Variants in PLAGL1 observed in about 807,000 individuals in gnomAD.
PLAGL1 encodes PLAG1 like zinc finger 1, also known as zinc finger protein PLAGL1.
PLAGL1 carries 1 observed loss-of-function variant against 4.6 expected under a neutral mutation model. The observed-to-expected ratio is 0.22, with a 90% confidence interval of 0.08 to 1.03. PLAGL1 has a LOEUF of 1.03. PLAGL1 is among the 50% of genes least tolerant of loss of function. The pLI is 0.58. For missense variants in PLAGL1, 464 were observed against 570.4 expected (o/e 0.81, Z 1.90); for synonymous variants, 240 against 237.8 (o/e 1.01, Z -0.08).
chr6:143,943,184 A>T (rs1779036041), intron 7 of PLAGL1, among the ~76,000 whole-genome samples: 1 of 151,644 alleles, frequency 6.6e-6, no homozygotes, highest in Non-Finnish European at 1.5e-5. Context: ...TAAAGAGAAC[A>T]TGTTTTTTTA....
intron 1 of PLAGL1, among the ~76,000 whole-genome samples, chr6:144,054,782 T>C (rs966248358): frequency 3.1e-5 from 2 of 64,366 alleles, no homozygotes; most frequent in South Asian, 7.8e-4. Context: ...AAAGAGTGTG[T>C]GTGTGTGTGT....
At chr6:144,001,939 C>T (rs562276145) in intron 1 of PLAGL1, among the ~76,000 whole-genome samples, 7 of 151,812 alleles carry the variant, frequency 4.6e-5, no homozygotes, top group South Asian at 2.1e-4. Context: ...TTGGAGTAAA[C>T]GAGGGAGGCA....
At chr6:144,040,588 A>G (rs1363377681) in intron 1 of PLAGL1, among the ~76,000 whole-genome samples, 1 of 151,876 alleles carries the variant, frequency 6.6e-6, no homozygotes, top group Non-Finnish European at 1.5e-5. Flanking sequence ...AAAAGCTACT[A>G]GGAGGTAGCC....
rs1562449737 is a variant in PLAGL1 at position 143,966,175 on chromosome 6, A to G, written c.-448T>C. The G allele has an allele frequency of 2.0e-5, 3 of 152,180 alleles. No individual in the cohort carries two copies. Among genetic ancestry groups the G allele is most frequent in the Admixed American group, 1.3e-4 (2 of 15,276 alleles). 9.4% of individuals were successfully genotyped at this position (152,180 alleles called of 1,614,324 possible). A position where few individuals can be genotyped will look rare whatever the true frequency, so the allele number is the denominator to read the frequency against. ...TCACTTGCCTGTTTGGAATTCTTCA[A>G]TGGTCCCATTAGGTTTCTGTCGACT... is the stretch of plus-strand genomic sequence containing the variant. On this transcript the variant is annotated 5_prime_UTR_variant, in exon 4 of 8. Transcript: ENST00000674357. The surrounding 1 kb of genome is among the most constrained non-coding windows in gnomAD (Gnocchi z 6.0).
In PLAGL1 at chr6:144,022,254, G is replaced by A. The variant is rs534030960; in HGVS notation, c.-151+42214C>T. On this transcript the variant is annotated intron_variant, in intron 1 of 3. Transcript: ENST00000437412. This position sits in a 1 kb window ranked among gnomAD's most constrained non-coding sequence, Gnocchi z 4.2. ...AGATCTGAACAGACAGCTCACCAGAGGAGATATGTAGATGGCATGTAAGCA... is the reference window on the plus strand; with the variant it reads ...AGATCTGAACAGACAGCTCACCAGAAGAGATATGTAGATGGCATGTAAGCA... Among the ~76,000 whole-genome samples the A allele has an allele frequency of 6.6e-6, 1 of 152,316 alleles. No homozygotes were observed. Among genetic ancestry groups the A allele is most frequent in the Admixed American group, 6.5e-5 (1 of 15,298 alleles).
At chr6:144,045,530 G>A (rs1314745860) in intron 1 of PLAGL1, among the ~76,000 whole-genome samples, 1 of 152,172 alleles carries the variant, frequency 6.6e-6, no homozygotes, top group Non-Finnish European at 1.5e-5. Context: ...CTCTCTTCTG[G>A]CTTGTAGAGT....
chr6:144,011,541 T>A (rs192227973), upstream of PLAGL1, among the ~76,000 whole-genome samples: 1 of 152,348 alleles, frequency 6.6e-6, no homozygotes, highest in East Asian at 1.9e-4. The surrounding 1 kb of genome is among the most constrained non-coding windows in gnomAD (Gnocchi z 4.3). Context: ...AGATCAATTT[T>A]TCCCCCCAGC....
At chr6:144,021,914 T>C (rs990051178) in intron 1 of PLAGL1, among the ~76,000 whole-genome samples, 1 of 152,180 alleles carries the variant, frequency 6.6e-6, no homozygotes, top group African/African-American at 2.4e-5. Flanking sequence ...ACTGGCTCTC[T>C]GGGAAGTAAC....
intron 1 of PLAGL1, among the ~76,000 whole-genome samples, chr6:144,038,273 T>G (rs6929775): frequency 0.017 from 2,564 of 152,312 alleles, 91 homozygotes; most frequent in African/African-American, 0.059. Flanking sequence ...GCTTCTTCAC[T>G]ACATAAGGTT....
chr6:144,009,025 C>T (rs1450311723), upstream of PLAGL1, among the ~76,000 whole-genome samples: 1 of 152,152 alleles, frequency 6.6e-6, no homozygotes, highest in Non-Finnish European at 1.5e-5. Flanking sequence ...CCCTAAAAGA[C>T]GTGCTTTTTA....
Position 143,972,592 on chromosome 6 carries a change from A to G in PLAGL1, c.-543-3614T>C, listed in dbSNP as rs2128584620. ...ATCCCAAGAATATAAATATTTTAAA[A>G]TAAATATATTATTGTAATATTCCCA... On this transcript the variant is annotated intron_variant, in intron 2 of 7. Transcript: ENST00000674357. The surrounding 1 kb of genome is among the most constrained non-coding windows in gnomAD (Gnocchi z 6.8). 6.6e-6 allele frequency among the ~76,000 whole-genome samples: 1 copy of G among 152,280 alleles called. No homozygotes were observed. Among genetic ancestry groups the G allele is most frequent in the East Asian group, 1.9e-4 (1 of 5,192 alleles).
rs1332100461 is a variant in PLAGL1 at position 143,985,852 on chromosome 6, C to T, written c.-583-678G>A. On this transcript the variant is annotated intron_variant, in intron 1 of 7. Transcript: ENST00000674357. The surrounding 1 kb of genome is among the most constrained non-coding windows in gnomAD (Gnocchi z 4.4). Reference sequence around the variant, plus strand: ...TTTTCAATATATTACTAACAAGAAACCTCTGAGTGCTTACCATCGGCCAAG... The same window carrying T: ...TTTTCAATATATTACTAACAAGAAATCTCTGAGTGCTTACCATCGGCCAAG... Among the ~76,000 whole-genome samples the T allele has an allele frequency of 1.3e-5, 2 of 149,996 alleles. No homozygotes were observed. The highest frequency in any genetic ancestry group is 6.7e-5 in the Admixed American group (1 of 15,026).
In PLAGL1 at chr6:144,059,311, C is replaced by G. The variant is rs1349996594; in HGVS notation, c.-151+5157G>C. ...AGCTTCCCAGGGTGGTGCAGGGCAT[C>G]AGGGCCCCAGGCCTGGCCCTTTAAG... On this transcript the variant is annotated intron_variant, in intron 1 of 3. Transcript: ENST00000437412. The surrounding 1 kb of genome is among the most constrained non-coding windows in gnomAD (Gnocchi z 4.9). 1.3e-5 allele frequency among the ~76,000 whole-genome samples: 2 copies of G among 152,202 alleles called. No individual in the cohort carries two copies. Among genetic ancestry groups the G allele is most frequent in the African/African-American group, 2.4e-5 (1 of 41,450 alleles).
chr6:143,942,766 C>A lies in PLAGL1; in HGVS notation c.153-103G>T. 1 of 807,226 alleles carries A rather than the reference C, an allele frequency of 1.2e-6. No homozygotes were observed. Among genetic ancestry groups the A allele is most frequent in the Non-Finnish European group, 1.9e-6 (1 of 535,576 alleles). The allele number at this position is 807,226 out of a possible 1,614,324, so 50.0% of individuals were successfully genotyped here. A position where few individuals can be genotyped will look rare whatever the true frequency, so the allele number is the denominator to read the frequency against. On this transcript the variant is annotated intron_variant, in intron 7 of 7. Transcript: ENST00000674357. The surrounding 1 kb of genome is among the most constrained non-coding windows in gnomAD (Gnocchi z 7.6). Reference sequence around the variant, plus strand: ...AAAATGTTAATAGTTTTCTCTGGGTCTTGGTATAATTTTCAAAATTCTTTC... The same window carrying A: ...AAAATGTTAATAGTTTTCTCTGGGTATTGGTATAATTTTCAAAATTCTTTC...
upstream of PLAGL1, among the ~76,000 whole-genome samples, chr6:144,012,480 G>A (rs1323529265): frequency 5.9e-5 from 9 of 152,026 alleles, no homozygotes; most frequent in African/African-American, 1.2e-4. This position sits in a 1 kb window ranked among gnomAD's most constrained non-coding sequence, Gnocchi z 4.8. Flanking sequence ...CAGGTGATCC[G>A]CCTGTCTCAG....
At chr6:144,038,312 T>C (rs891018993) in intron 1 of PLAGL1, among the ~76,000 whole-genome samples, 2 of 152,234 alleles carry the variant, frequency 1.3e-5, no homozygotes, top group African/African-American at 2.4e-5. Context: ...TTAATTTCAT[T>C]GTAGAAACTG....
chr6:144,038,567 A>G (rs1797457044), intron 1 of PLAGL1, among the ~76,000 whole-genome samples: 1 of 152,220 alleles, frequency 6.6e-6, no homozygotes, highest in Admixed American at 6.6e-5. Context: ...TGCCAAGACA[A>G]TTCAATGGGG....
chr6:144,020,151 G>A (rs879341778), intron 1 of PLAGL1, among the ~76,000 whole-genome samples: 9 of 152,096 alleles, frequency 5.9e-5, no homozygotes, highest in Admixed American at 5.2e-4. Flanking sequence ...CGCTGTCCAC[G>A]AACTAGAAAG....
At position 143,945,620 on chromosome 6, in the gene PLAGL1, C is replaced by T. The variant is rs776752420; in HGVS notation, c.152+2365G>A. 2.6e-5 allele frequency among the ~76,000 whole-genome samples: 4 copies of T among 152,152 alleles called. No individual in the cohort carries two copies. Among genetic ancestry groups the T allele is most frequent in the Admixed American group, 6.5e-5 (1 of 15,278 alleles). ...CCTCCCGAGTAGCTGGGATTACAGG[C>T]GTGTACCACCACGCCCAGCTAATTT... On this transcript the variant is annotated intron_variant, in intron 7 of 7. Transcript: ENST00000674357. The surrounding 1 kb of genome is among the most constrained non-coding windows in gnomAD (Gnocchi z 4.2).
Sources: allele counts gnomAD v4.1 joint callset (sites outside exome capture counted in the v4.1 genomes callset), GRCh38; gene constraint gnomAD v4.1.1; non-coding constraint Gnocchi (gnomAD v3.1); transcripts MANE v1.5; gene names NCBI Gene and HGNC (gene_info 2026-07-23, HGNC 2026-07-21).